RABGEF1: variants seen among roughly 807,000 people sequenced by gnomAD.
RABGEF1 encodes the protein RAB guanine nucleotide exchange factor 1, also known as rab5 GDP/GTP exchange factor.
A neutral mutation model predicts 57.3 loss-of-function variants in RABGEF1; 26 were observed. That is an observed-to-expected ratio of 0.45 (90% CI 0.33 to 0.63). The LOEUF (loss-of-function observed/expected upper bound fraction) is 0.63. Ranked by LOEUF, RABGEF1 falls within the 20% of genes least tolerant of loss-of-function variation. RABGEF1 has a pLI of 0.02. For missense variants in RABGEF1, 464 were observed against 607.6 expected (o/e 0.76, Z 2.48); for synonymous variants, 185 against 210.7 (o/e 0.88, Z 1.06).
At chr7:66,691,046 G>T (rs1791449206) in intron 1 of RABGEF1, among the ~76,000 whole-genome samples, 2 of 152,180 alleles carry the variant, frequency 1.3e-5, no homozygotes, top group South Asian at 4.1e-4. Flanking sequence ...AGCCGTGATC[G>T]TGCCACTGCA....
In RABGEF1 at chr7:66,811,155, CTG is replaced by C. The variant is rs1562902637; in HGVS notation, c.*1873_*1874del. On this transcript the variant is annotated 3_prime_UTR_variant, in exon 9 of 9. Transcript: ENST00000284957. The stretch of plus-strand genomic sequence containing the variant: ...ACAGTTCGTTTAGTTACTGTACACT[CTG>C]TTTGTTCAATAAACTGCATATCAAC... 1.3e-5 allele frequency: 2 copies of C among 152,242 alleles called. No individual in the cohort carries two copies. The highest frequency in any genetic ancestry group is 2.9e-5 in the Non-Finnish European group (2 of 68,014). The allele number at this position is 152,242 out of a possible 1,614,324, so 9.4% of individuals were successfully genotyped here.
In RABGEF1 at chr7:66,784,754, TC is replaced by T. The variant is rs370445936; in HGVS notation, c.513+914del. 2.8e-3 allele frequency among the ~76,000 whole-genome samples: 429 copies of T among 152,344 alleles called. 1 individual carries two copies. Among genetic ancestry groups the T allele is most frequent in the African/African-American group, 9.9e-3 (413 of 41,580 alleles). On this transcript the variant is annotated intron_variant, in intron 4 of 8. Coordinates refer to ENST00000284957, the MANE Select transcript of RABGEF1 (RefSeq NM_014504.3). ...GGAGAAAAGCTTGCTTTCTCGCCCT[TC>T]AGAAATGTAATTAGACTGTGTAAGT...
chr7:66,747,057 G>A (rs1046257397), intron 1 of RABGEF1, among the ~76,000 whole-genome samples: 5 of 152,108 alleles, frequency 3.3e-5, no homozygotes, highest in Non-Finnish European at 7.3e-5. Context: ...GCCTCCCAAA[G>A]TGCTGGGATT....
At chr7:66,728,766 C>T in intron 2 of RABGEF1, among the ~76,000 whole-genome samples, 1 of 151,964 alleles carries the variant, frequency 6.6e-6, no homozygotes, top group Non-Finnish European at 1.5e-5. Flanking sequence ...TCACCGCCAT[C>T]CTCACCTCCA....
intron 4 of RABGEF1, among the ~76,000 whole-genome samples, chr7:66,787,270 G>A (rs1811399184): frequency 6.7e-6 from 1 of 149,128 alleles, no homozygotes; most frequent in African/African-American, 2.5e-5. Context: ...CTGACCTCAA[G>A]TGGTCTGCCC....
chr7:66,805,032 G>C (rs1424380035), intron 7 of RABGEF1, 108 bp from the exon 8 acceptor site: 1 of 1,218,672 alleles, frequency 8.2e-7, no homozygotes, highest in East Asian at 2.5e-5. Context: ...GCTGGAAAAG[G>C]GGTTAATAAG....
intron 3 of RABGEF1, among the ~76,000 whole-genome samples, chr7:66,779,583 G>A (rs762093720): frequency 4.2e-4 from 63 of 151,448 alleles, no homozygotes; most frequent in South Asian, 2.5e-3. Flanking sequence ...GAGATGGGAG[G>A]ATCATTTGTG....
At chr7:66,767,870 C>T (rs1024910269) in intron 1 of RABGEF1, among the ~76,000 whole-genome samples, 15 of 152,144 alleles carry the variant, frequency 9.9e-5, no homozygotes, top group African/African-American at 3.6e-4. Flanking sequence ...GTTACTGCAG[C>T]CAGAAGGAAC....
intron 1 of RABGEF1, among the ~76,000 whole-genome samples, chr7:66,768,064 A>G (rs543973259): frequency 5.9e-4 from 90 of 152,328 alleles, no homozygotes; most frequent in African/African-American, 2.1e-3. Context: ...AAATATTGCT[A>G]CTATAACCGT....
At chr7:66,738,833 TAAAGTA>T (rs1191389564), upstream of RABGEF1, among the ~76,000 whole-genome samples, 1 of 152,210 alleles carries the variant, frequency 6.6e-6, no homozygotes. Flanking sequence ...TTAAGAGCTT[TAAAGTA>T]AATGTTATTC....
In RABGEF1 at chr7:66,783,719, A is replaced by T. The variant is rs769908229; in HGVS notation, c.391A>T (p.Thr131Ser). Residue 131 changes from threonine to serine, a missense_variant, in exon 4 of 9, where the codon ACC becomes TCC. This residue lies in a region of RABGEF1 where 284 missense variants were observed against 389.9 expected (regional missense o/e 0.73). Coordinates refer to ENST00000284957, the MANE Select transcript of RABGEF1 (RefSeq NM_014504.3). ...TCCCAGTCCTTCCATAAACCGGCAAACCAGCATTGAAACGGATAGAGTGTC... is the reference window on the plus strand; with the variant it reads ...TCCCAGTCCTTCCATAAACCGGCAATCCAGCATTGAAACGGATAGAGTGTC... The part of the protein sequence containing the change: ...KAPSPSINRQ[T>S]SIETDRVSKE... The T allele has an allele frequency of 6.2e-7, 1 of 1,612,434 alleles. No individual in the cohort carries two copies. Among genetic ancestry groups the T allele is most frequent in the Admixed American group, 1.7e-5 (1 of 59,878 alleles).
intron 4 of RABGEF1, among the ~76,000 whole-genome samples, chr7:66,787,560 G>T (rs994911747): frequency 2.0e-5 from 3 of 151,956 alleles, no homozygotes; most frequent in African/African-American, 7.3e-5. Context: ...AGCCAGGCTG[G>T]TCATGAACTC....
intron 2 of RABGEF1, among the ~76,000 whole-genome samples, chr7:66,734,797 AAAAT>A (rs1267331859): frequency 6.6e-6 from 1 of 152,052 alleles, no homozygotes; most frequent in Non-Finnish European, 1.5e-5. Flanking sequence ...TCGGTCTTCA[AAAAT>A]GACGGACACT....
intron 2 of RABGEF1, among the ~76,000 whole-genome samples, chr7:66,715,083 C>T (rs1033268856): frequency 6.6e-6 from 1 of 151,490 alleles, no homozygotes; most frequent in Admixed American, 6.6e-5. Flanking sequence ...CTTTCTCTTT[C>T]TCCTCCTTCT....
intron 1 of RABGEF1, among the ~76,000 whole-genome samples, chr7:66,701,041 G>C (rs2117251210): frequency 6.6e-6 from 1 of 152,290 alleles, no homozygotes; most frequent in Non-Finnish European, 1.5e-5. Context: ...AGCTGGGCTT[G>C]AATGAGGAAG....
chr7:66,755,456 A>T (rs1430535130), intron 1 of RABGEF1, among the ~76,000 whole-genome samples: 1 of 152,262 alleles, frequency 6.6e-6, no homozygotes, highest in South Asian at 2.1e-4. Flanking sequence ...AGCCTGGGTT[A>T]TAGAGCCAGA....
intron 2 of RABGEF1, among the ~76,000 whole-genome samples, chr7:66,730,557 CTTTTT>C (rs888301191): frequency 9.2e-5 from 12 of 130,800 alleles, no homozygotes; most frequent in East Asian, 2.2e-4. Context: ...GTTTCTTTTT[CTTTTT>C]TTTTTTTTTT....
intron 8 of RABGEF1, among the ~76,000 whole-genome samples, chr7:66,807,664 A>G (rs1562892181): frequency 6.6e-6 from 1 of 152,088 alleles, no homozygotes; most frequent in East Asian, 1.9e-4. Flanking sequence ...AGTATTCTCT[A>G]TTCCTTTTAG....
intron 1 of RABGEF1, among the ~76,000 whole-genome samples, chr7:66,685,139 TG>T (rs1790400036): frequency 6.7e-6 from 1 of 148,826 alleles, no homozygotes; most frequent in African/African-American, 2.5e-5. Flanking sequence ...TTCAGTATAG[TG>T]CTGGATTATT....
Sources: allele counts gnomAD v4.1 joint callset (sites outside exome capture counted in the v4.1 genomes callset), GRCh38; gene constraint gnomAD v4.1.1; regional missense constraint gnomAD v4.1.1; transcripts MANE v1.5; gene names NCBI Gene and HGNC (gene_info 2026-07-23, HGNC 2026-07-21).